Variants in SRD5A2 observed in about 807,000 individuals in gnomAD.
The protein encoded by SRD5A2 is 3-oxo-5-alpha-steroid 4-dehydrogenase 2.
In SRD5A2, 30 loss-of-function variants were observed where a neutral mutation model predicts 27.4. That is an observed-to-expected ratio of 1.10 (90% CI 0.82 to 1.49). The LOEUF (loss-of-function observed/expected upper bound fraction) is 1.49, where lower values mean the gene tolerates loss of function less well. Among genes scored for constraint, SRD5A2 ranks in the 40% most tolerant of loss-of-function variants. The pLI is 0.00. For missense variants in SRD5A2, 348 were observed against 323.4 expected, an observed-to-expected ratio of 1.08 and a Z score of -0.58; for synonymous variants, 141 against 133.6, an observed-to-expected ratio of 1.06 and a Z score of -0.38.
At chr2:31,634,780 C>T in the SRD5A2 span, among the ~76,000 whole-genome samples, 9 of 152,072 alleles carry the variant, frequency 5.9e-5, no homozygotes, top group Admixed American at 2.0e-4. Context: ...TGAGATCATG[C>T]GATATTTGTT....
At chr2:31,556,458 A>G (rs1254276672) in intron 1 of SRD5A2, among the ~76,000 whole-genome samples, 2 of 152,240 alleles carry the variant, frequency 1.3e-5, no homozygotes, top group African/African-American at 2.4e-5. Context: ...TGACTACATT[A>G]AGAATCCTTA....
chr2:31,581,652 C>G (rs1042692381), upstream of SRD5A2, among the ~76,000 whole-genome samples: 1 of 152,156 alleles, frequency 6.6e-6, no homozygotes, highest in Non-Finnish European at 1.5e-5. Context: ...CTCGGGTGAT[C>G]ATGCACAGAT....
At chr2:31,538,975 A>C (rs1373243701) in intron 1 of SRD5A2, among the ~76,000 whole-genome samples, 1 of 152,216 alleles carries the variant, frequency 6.6e-6, no homozygotes, top group East Asian at 1.9e-4. Context: ...AAGAGAGTCT[A>C]TCATGTGCTA....
upstream of SRD5A2, among the ~76,000 whole-genome samples, chr2:31,582,771 C>G (rs1667103387): frequency 6.6e-6 from 1 of 152,186 alleles, no homozygotes; most frequent in Admixed American, 6.5e-5. Flanking sequence ...GACCCAAATT[C>G]TCCTTCTATG....
chr2:31,601,132 A>G, the SRD5A2 span, among the ~76,000 whole-genome samples: 1 of 151,940 alleles, frequency 6.6e-6, no homozygotes, highest in Non-Finnish European at 1.5e-5. Context: ...CAACCAATCT[A>G]GAAGCTGGCT....
At chr2:31,591,763 A>T in the SRD5A2 span, among the ~76,000 whole-genome samples, 2 of 65,234 alleles carry the variant, frequency 3.1e-5, no homozygotes, top group Non-Finnish European at 6.0e-5. Flanking sequence ...CGCCATNAAA[A>T]ATGATGAGTT....
upstream of SRD5A2, among the ~76,000 whole-genome samples, chr2:31,581,864 C>T (rs1448900675): frequency 6.6e-6 from 1 of 152,214 alleles, no homozygotes; most frequent in Non-Finnish European, 1.5e-5. Flanking sequence ...CCGTCATACA[C>T]GCAGACGCGG....
the SRD5A2 span, among the ~76,000 whole-genome samples, chr2:31,630,597 A>G: frequency 6.6e-6 from 1 of 152,204 alleles, no homozygotes; most frequent in Non-Finnish European, 1.5e-5. Flanking sequence ...AATGCATTCA[A>G]TCTGTAGCGG....
rs1203904129 is a variant in SRD5A2 at position 31,523,853 on chromosome 2, A to G, written c.*2343T>C. ...TAGCCCTAAACAATGACAAACTGTC[A>G]TTGAACACAACAGCCCTAGAACACT... On this transcript the variant is annotated 3_prime_UTR_variant, in exon 5 of 5. Transcript: ENST00000622030. 9 of 219,672 alleles carry G rather than the reference A, an allele frequency of 4.1e-5. No homozygotes were observed. The highest frequency in any genetic ancestry group is 3.5e-4 in the Admixed American group (6 of 17,304). The allele number at this position is 219,672 out of a possible 1,614,324, so 13.6% of individuals were successfully genotyped here.
chr2:31,577,654 T>A (rs1403747254), intron 1 of SRD5A2, among the ~76,000 whole-genome samples: 1 of 152,180 alleles, frequency 6.6e-6, no homozygotes, highest in African/African-American at 2.4e-5. Flanking sequence ...ACCTGAGCCA[T>A]CCTTTCTCCC....
the SRD5A2 span, among the ~76,000 whole-genome samples, chr2:31,642,257 T>C: frequency 6.6e-6 from 1 of 152,082 alleles, no homozygotes; most frequent in African/African-American, 2.4e-5. Flanking sequence ...AAGTGGATCA[T>C]AAAGCTAAAT....
chr2:31,627,598 G>C, the SRD5A2 span, among the ~76,000 whole-genome samples: 3 of 152,072 alleles, frequency 2.0e-5, no homozygotes, highest in Non-Finnish European at 2.9e-5. Context: ...TTTTGATGTG[G>C]ATACTTAGTA....
chr2:31,620,556 C>A, the SRD5A2 span, among the ~76,000 whole-genome samples: 2 of 151,706 alleles, frequency 1.3e-5, no homozygotes, highest in Non-Finnish European at 2.9e-5. Context: ...TGCTTTATTG[C>A]GATATTTGCT....
chr2:31,550,543 C>G (rs1056549420), intron 1 of SRD5A2, among the ~76,000 whole-genome samples: 3 of 151,896 alleles, frequency 2.0e-5, no homozygotes, highest in Non-Finnish European at 4.4e-5. Flanking sequence ...AATTATATAG[C>G]ATGACCAACT....
At chr2:31,580,569 C>A (rs1319802364) in intron 1 of SRD5A2, 51 bp downstream of exon 1, 12 of 1,440,182 alleles carry the variant, frequency 8.3e-6, no homozygotes, top group Non-Finnish European at 1.1e-5. Flanking sequence ...TCCTGGACGC[C>A]GGGAGCAGGG....
chr2:31,612,894 GGT>G, the SRD5A2 span, among the ~76,000 whole-genome samples: 1 of 152,138 alleles, frequency 6.6e-6, no homozygotes, highest in African/African-American at 2.4e-5. Context: ...TTTCAACAAA[GGT>G]GCCAAGAACA....
At chr2:31,609,860 AT>A in the SRD5A2 span, among the ~76,000 whole-genome samples, 1 of 152,114 alleles carries the variant, frequency 6.6e-6, no homozygotes, top group Non-Finnish European at 1.5e-5. Flanking sequence ...TAGGATATGT[AT>A]TTTTTAATTC....
the SRD5A2 span, among the ~76,000 whole-genome samples, chr2:31,622,368 A>G: frequency 6.6e-6 from 1 of 152,070 alleles, no homozygotes; most frequent in Non-Finnish European, 1.5e-5. Context: ...TATTCAATCT[A>G]TAATTGATGG....
the SRD5A2 span, among the ~76,000 whole-genome samples, chr2:31,629,549 G>T: frequency 0.01 from 1,585 of 152,230 alleles, 94 homozygotes; most frequent in Admixed American, 0.093. Context: ...GAGGCTATCT[G>T]GGAAAGGGCT....
Sources: allele counts gnomAD v4.1 joint callset (sites outside exome capture counted in the v4.1 genomes callset), GRCh38; gene constraint gnomAD v4.1.1; transcripts MANE v1.5; gene names NCBI Gene and HGNC (gene_info 2026-07-23, HGNC 2026-07-21).